Variants in NRXN3 observed in about 807,000 individuals in gnomAD.
NRXN3 encodes the protein neurexin III.
In NRXN3, 32 loss-of-function variants were observed where a neutral mutation model predicts 137.6. The ratio of observed to expected loss-of-function variants is 0.23; its 90% confidence interval spans 0.18 to 0.31. NRXN3 has a LOEUF of 0.31. NRXN3 is among the 10% of genes least tolerant of loss of function. The pLI is 1.00. For synonymous variants in NRXN3, 798 were observed against 784.5 expected (o/e 1.02, Z -0.29); for missense variants, 1,574 against 2,062.5 (o/e 0.76, Z 4.59).
chr14:78,248,686 C>T (rs1044925146), intron 2 of NRXN3, among the ~76,000 whole-genome samples: 2 of 152,106 alleles, frequency 1.3e-5, no homozygotes, highest in Non-Finnish European at 2.9e-5. Flanking sequence ...GCATTGTTCC[C>T]AATCTGTGTC....
chr14:78,845,749 A>G (rs1056598115), intron 10 of NRXN3, among the ~76,000 whole-genome samples: 1 of 152,040 alleles, frequency 6.6e-6, no homozygotes, highest in Admixed American at 6.6e-5. Flanking sequence ...TCACACTTCT[A>G]TAGCTGATAC....
intron 8 of NRXN3, among the ~76,000 whole-genome samples, chr14:78,799,376 C>T (rs371900406): frequency 2.0e-5 from 3 of 152,190 alleles, no homozygotes; most frequent in Admixed American, 1.3e-4. Flanking sequence ...CATCTTTACT[C>T]CAGTTCCCAA....
chr14:79,725,372 C>T (rs2098878389), intron 19 of NRXN3, among the ~76,000 whole-genome samples: 1 of 152,166 alleles, frequency 6.6e-6, no homozygotes, highest in Non-Finnish European at 1.5e-5. Flanking sequence ...TTTAGACACA[C>T]TGAGCCATTA....
intron 4 of NRXN3, among the ~76,000 whole-genome samples, chr14:78,616,816 T>C (rs745642496): frequency 2.6e-5 from 4 of 152,360 alleles, no homozygotes; most frequent in East Asian, 1.9e-4. Context: ...AGAAGAAATA[T>C]GCAATCTGGC....
At chr14:78,498,875 C>T (rs1161366781) in intron 4 of NRXN3, among the ~76,000 whole-genome samples, 3 of 151,946 alleles carry the variant, frequency 2.0e-5, no homozygotes, top group Non-Finnish European at 4.4e-5. Flanking sequence ...ATTCTTTTGC[C>T]TCAGCCTCCC....
chr14:78,688,850 T>A (rs762757701), intron 6 of NRXN3, among the ~76,000 whole-genome samples: 1 of 151,668 alleles, frequency 6.6e-6, no homozygotes, highest in Non-Finnish European at 1.5e-5. Context: ...AGGAAAAGTA[T>A]AGAGAAAAAA....
intron 4 of NRXN3, among the ~76,000 whole-genome samples, chr14:78,389,382 T>A (rs1042019217): frequency 2.6e-5 from 4 of 152,078 alleles, no homozygotes. Flanking sequence ...TACTGAAACA[T>A]TGCCTTCCAG....
intron 4 of NRXN3, among the ~76,000 whole-genome samples, chr14:78,432,816 A>G (rs1007307671): frequency 5.9e-5 from 9 of 152,178 alleles, no homozygotes; most frequent in African/African-American, 2.2e-4. Context: ...TGTGGCAGTA[A>G]GGAGTGGAGA....
At chr14:78,887,825 A>C (rs2099147867) in intron 10 of NRXN3, among the ~76,000 whole-genome samples, 1 of 152,066 alleles carries the variant, frequency 6.6e-6, no homozygotes, top group African/African-American at 2.4e-5. Flanking sequence ...GGTGACGATA[A>C]GCAGCAGTTT....
At chr14:78,462,390 C>T (rs569640091) in intron 4 of NRXN3, among the ~76,000 whole-genome samples, 17 of 152,250 alleles carry the variant, frequency 1.1e-4, no homozygotes, top group African/African-American at 4.1e-4. Flanking sequence ...CTCTGATAAG[C>T]AGATGAGGGG....
At chr14:79,066,738 G>A (rs532675373) in intron 15 of NRXN3, among the ~76,000 whole-genome samples, 75 of 152,152 alleles carry the variant, frequency 4.9e-4, no homozygotes, top group African/African-American at 1.8e-3. Flanking sequence ...TTGTGAATGG[G>A]AGTTCATTCA....
chr14:78,331,810 C>T (rs1348554904), intron 4 of NRXN3, among the ~76,000 whole-genome samples: 1 of 152,126 alleles, frequency 6.6e-6, no homozygotes, highest in African/African-American at 2.4e-5. Flanking sequence ...AATGAGAGTG[C>T]TTGATTACTC....
intron 9 of NRXN3, among the ~76,000 whole-genome samples, chr14:78,804,368 G>T (rs2098848476): frequency 6.6e-6 from 1 of 152,188 alleles, no homozygotes; most frequent in Non-Finnish European, 1.5e-5. Flanking sequence ...CTCCTAGAGG[G>T]AGGACAAGTA....
intron 1 of NRXN3, among the ~76,000 whole-genome samples, chr14:78,184,422 C>CA (rs1158439159): frequency 6.6e-6 from 1 of 152,150 alleles, no homozygotes; most frequent in Non-Finnish European, 1.5e-5. Flanking sequence ...TTTGGCATCT[C>CA]AAGTCTTATG....
At chr14:79,415,629 G>A (rs2153522672) in intron 15 of NRXN3, among the ~76,000 whole-genome samples, 1 of 152,186 alleles carries the variant, frequency 6.6e-6, no homozygotes, top group South Asian at 2.1e-4. Context: ...ATGCATTCAT[G>A]TATGCACTAG....
In NRXN3 at chr14:79,647,334, A is replaced by G. The variant is rs2098457157; in HGVS notation, c.3445-16444A>G. 1.5e-5 allele frequency among the ~76,000 whole-genome samples: 2 copies of G among 136,296 alleles called. 1 individual carries two copies. The highest frequency in any genetic ancestry group is 7.5e-3 in the Middle Eastern group (2 of 266). The allele number at this position is 136,296 out of a possible 152,430, so 89.4% of individuals were successfully genotyped here. On this transcript the variant is annotated intron_variant, in intron 16 of 20. Transcript: ENST00000335750. ...TTTATGGTTATAGCCATGCAGATAG[A>G]TGCATGAACTCAGAGGACTAAAAAT...
At chr14:78,493,143 G>A (rs999306945) in intron 4 of NRXN3, among the ~76,000 whole-genome samples, 2 of 152,082 alleles carry the variant, frequency 1.3e-5, no homozygotes, top group African/African-American at 4.8e-5. Context: ...TTCTTCTGGG[G>A]ATGCTGTGCG....
chr14:78,505,843 A>G (rs2095978225), intron 4 of NRXN3, among the ~76,000 whole-genome samples: 1 of 152,172 alleles, frequency 6.6e-6, no homozygotes, highest in Non-Finnish European at 1.5e-5. Flanking sequence ...TTCTTGAGAT[A>G]TAATTGATAT....
chr14:79,342,052 G>A (rs2092636577), intron 15 of NRXN3, among the ~76,000 whole-genome samples: 1 of 152,192 alleles, frequency 6.6e-6, no homozygotes, highest in Non-Finnish European at 1.5e-5. Context: ...TCTCACTTAA[G>A]CTAAGTGGAA....
Sources: allele counts gnomAD v4.1 joint callset (sites outside exome capture counted in the v4.1 genomes callset), GRCh38; gene constraint gnomAD v4.1.1; transcripts MANE v1.5; gene names NCBI Gene and HGNC (gene_info 2026-07-23, HGNC 2026-07-21).